The following DPYD variants were observed in gnomAD, a reference collection of about 807,000 sequenced individuals.
DPYD encodes the protein dihydropyrimidine dehydrogenase [NADP(+)].
In DPYD, 109 loss-of-function variants were observed where a neutral mutation model predicts 116.2. The observed-to-expected ratio is 0.94, with a 90% CI of 0.80 to 1.10. The LOEUF is 1.10. Among genes scored for constraint, DPYD ranks in the 50% least tolerant of loss-of-function variants. DPYD has a pLI of 0.00. For synonymous variants in DPYD, 440 were observed against 432.0 expected, an observed-to-expected ratio of 1.02 and a Z score of -0.23; for missense variants, 1,302 against 1,254.5, an observed-to-expected ratio of 1.04 and a Z score of -0.57.
intron 20 of DPYD, among the ~76,000 whole-genome samples, chr1:97,152,665 T>C (rs931417789): frequency 5.3e-5 from 8 of 151,196 alleles, no homozygotes; most frequent in Non-Finnish European, 1.2e-4. Context: ...CACATGTAGA[T>C]ATTGCTGTAT....
intron 8 of DPYD, among the ~76,000 whole-genome samples, chr1:97,634,898 A>G (rs1338284813): frequency 6.6e-6 from 1 of 151,188 alleles, no homozygotes; most frequent in Non-Finnish European, 1.5e-5. Flanking sequence ...AATCTTATCC[A>G]TCTAGTTGCA....
chr1:97,157,122 T>TG (rs1422963027), intron 20 of DPYD, among the ~76,000 whole-genome samples: 1 of 53,384 alleles, frequency 1.9e-5, no homozygotes, highest in Non-Finnish European at 3.4e-5. Context: ...TGTTGTGGGG[T>TG]GGGGGGAGGG....
chr1:97,818,006 G>T (rs1277731538), intron 3 of DPYD, among the ~76,000 whole-genome samples: 1 of 151,998 alleles, frequency 6.6e-6, no homozygotes, highest in African/African-American at 2.4e-5. Context: ...CAAAACAAAA[G>T]CTGCATCCCT....
chr1:97,173,279 C>CACACATATGCACATATATATGT (rs548861757), intron 20 of DPYD, among the ~76,000 whole-genome samples: 9 of 140,892 alleles, frequency 6.4e-5, no homozygotes, highest in Admixed American at 4.9e-4. Flanking sequence ...CATATATATG[C>CACACATATGCACATATATATGT]ACACATATAT....
intron 2 of DPYD, among the ~76,000 whole-genome samples, chr1:97,850,351 T>G (rs919321359): frequency 2.0e-5 from 3 of 152,224 alleles, no homozygotes; most frequent in African/African-American, 7.2e-5. Context: ...TCTCTGTTAC[T>G]TAACTTCTAA....
At position 97,123,461 on chromosome 1, in the gene DPYD, A is replaced by G. The variant is rs760295133; in HGVS notation, c.2623-24829T>C. On this transcript the variant is annotated intron_variant, in intron 20 of 22. Coordinates refer to ENST00000370192, the MANE Select transcript of DPYD (RefSeq NM_000110.4). The stretch of plus-strand genomic sequence containing the variant: ...ATCTGAGTAGGGTTTGAAATATAGT[A>G]CCTTCAATAGCCCAGAGGACTCACT... Among the ~76,000 whole-genome samples, 105 of 152,242 alleles carry G rather than the reference A, an allele frequency of 6.9e-4. 2 individuals carry two copies. The highest frequency in any genetic ancestry group is 2.1e-4 in the South Asian group (1 of 4,826).
intron 11 of DPYD, among the ~76,000 whole-genome samples, chr1:97,552,657 C>A (rs1326804132): frequency 6.6e-6 from 1 of 151,942 alleles, no homozygotes; most frequent in Non-Finnish European, 1.5e-5. Flanking sequence ...AAGTCTTAAA[C>A]CTGAATATCA....
intron 20 of DPYD, among the ~76,000 whole-genome samples, chr1:97,134,830 C>T (rs1167817305): frequency 3.9e-5 from 6 of 152,002 alleles, no homozygotes; most frequent in Admixed American, 3.9e-4. Flanking sequence ...GTTAACGTTG[C>T]CTTTGACACT....
chr1:97,486,108 A>G (rs1385719551), intron 13 of DPYD, among the ~76,000 whole-genome samples: 1 of 152,168 alleles, frequency 6.6e-6, no homozygotes, highest in East Asian at 1.9e-4. Context: ...ACAATTCATA[A>G]TTTTAAAGAG....
intron 14 of DPYD, among the ~76,000 whole-genome samples, chr1:97,438,624 CAAGTTAGGTA>C (rs1675594235): frequency 6.6e-6 from 1 of 151,576 alleles, no homozygotes. Context: ...CTAGGATAGG[CAAGTTAGGTA>C]TTTATCTCAG....
intron 20 of DPYD, among the ~76,000 whole-genome samples, chr1:97,165,467 C>A (rs1656255319): frequency 6.6e-6 from 1 of 151,836 alleles, no homozygotes; most frequent in South Asian, 2.1e-4. Context: ...TCTATAAAAA[C>A]GCTGGATGAC....
chr1:97,665,525 A>T (rs1005075773), intron 8 of DPYD, among the ~76,000 whole-genome samples: 4 of 152,142 alleles, frequency 2.6e-5, no homozygotes, highest in African/African-American at 9.7e-5. Flanking sequence ...AATTTAATAA[A>T]TTTTTACAAT....
Position 97,353,630 on chromosome 1 carries a change from T to A in DPYD, c.2058+19931A>T, listed in dbSNP as rs1256598596. Among the ~76,000 whole-genome samples, 4 of 134,912 alleles carry A rather than the reference T, an allele frequency of 3.0e-5. No individual in the cohort carries two copies. The East Asian group carries it at 8.3e-4, about 28-fold the overall frequency. 88.5% of individuals were successfully genotyped at this position (134,912 alleles called of 152,430 possible). A position where few individuals can be genotyped will look rare whatever the true frequency, so the allele number is the denominator to read the frequency against. ...AATAACTGGAAAACTGCATTCTGTT[T>A]TTTTTTTTTTTTTCTATGCTACAGT... On this transcript the variant is annotated intron_variant, in intron 16 of 22. Coordinates refer to ENST00000370192, the MANE Select transcript of DPYD (RefSeq NM_000110.4).
chr1:97,520,315 A>C (rs2101988420), intron 12 of DPYD, among the ~76,000 whole-genome samples: 1 of 152,280 alleles, frequency 6.6e-6, no homozygotes, highest in Non-Finnish European at 1.5e-5. Flanking sequence ...CATGTATTTT[A>C]CCTGCCTAAA....
At chr1:97,130,083 C>G (rs1368632223) in intron 20 of DPYD, among the ~76,000 whole-genome samples, 1 of 152,056 alleles carries the variant, frequency 6.6e-6, no homozygotes, top group African/African-American at 2.4e-5. Context: ...TGTCCACCAC[C>G]GAGTCTTGAG....
chr1:97,405,991 T>C (rs1260143894), intron 14 of DPYD, among the ~76,000 whole-genome samples: 1 of 152,156 alleles, frequency 6.6e-6, no homozygotes, highest in African/African-American at 2.4e-5. Context: ...CTTCTCTAGA[T>C]AAATCTCACA....
At chr1:97,509,447 C>A (rs999326895) in intron 13 of DPYD, among the ~76,000 whole-genome samples, 2 of 151,836 alleles carry the variant, frequency 1.3e-5, no homozygotes, top group Non-Finnish European at 1.5e-5. Flanking sequence ...TATGTGGTGA[C>A]AGAACAATTG....
chr1:97,179,602 T>A (rs950381836), intron 20 of DPYD, among the ~76,000 whole-genome samples: 5 of 152,074 alleles, frequency 3.3e-5, no homozygotes, highest in Admixed American at 3.3e-4. Flanking sequence ...CAGCATGGTG[T>A]AAGGGGCTGG....
intron 12 of DPYD, among the ~76,000 whole-genome samples, chr1:97,532,507 G>A (rs571882915): frequency 3.9e-5 from 6 of 152,188 alleles, no homozygotes; most frequent in Admixed American, 6.5e-5. Context: ...CCACCTGGTC[G>A]TAGGCTTTCC....
Sources: allele counts gnomAD v4.1 joint callset (sites outside exome capture counted in the v4.1 genomes callset), GRCh38; gene constraint gnomAD v4.1.1; transcripts MANE v1.5; gene names NCBI Gene and HGNC (gene_info 2026-07-23, HGNC 2026-07-21).